The following CNTN3 variants were observed in gnomAD, a reference collection of about 807,000 sequenced individuals.
CNTN3 encodes the protein contactin 3, also known as contactin-3.
Under a neutral mutation model 119.1 loss-of-function variants are expected in CNTN3, and 60 were observed. The ratio of observed to expected loss-of-function variants is 0.50; its 90% confidence interval spans 0.41 to 0.62. The LOEUF (loss-of-function observed/expected upper bound fraction) is 0.62, where lower values mean the gene tolerates loss of function less well. Among genes scored for constraint, CNTN3 ranks in the 20% least tolerant of loss-of-function variants. The pLI is 0.00. For synonymous variants in CNTN3, 450 were observed against 438.7 expected (o/e 1.03, Z -0.32); for missense variants, 1,101 against 1,242.4 (o/e 0.89, Z 1.71).
chr3:74,546,397 G>C (rs1703916088), intron 1 of CNTN3, among the ~76,000 whole-genome samples: 1 of 152,180 alleles, frequency 6.6e-6, no homozygotes, highest in South Asian at 2.1e-4. Context: ...GTATCTGTGA[G>C]GGTGTTGCCA....
intron 13 of CNTN3, among the ~76,000 whole-genome samples, chr3:74,321,325 A>G (rs1313530200): frequency 6.6e-6 from 1 of 152,208 alleles, no homozygotes; most frequent in African/African-American, 2.4e-5. Flanking sequence ...TTTTATCTCA[A>G]TAAAAGGTGG....
At chr3:74,500,992 A>C (rs1181531217) in intron 2 of CNTN3, among the ~76,000 whole-genome samples, 2 of 152,188 alleles carry the variant, frequency 1.3e-5, no homozygotes, top group Admixed American at 1.3e-4. Context: ...AGAATAATGG[A>C]TTCCACAGTC....
intron 4 of CNTN3, among the ~76,000 whole-genome samples, chr3:74,445,093 G>A (rs571738713): frequency 6.6e-6 from 1 of 152,138 alleles, no homozygotes. Context: ...CTGAATATCT[G>A]TCTTTCAGTA....
At chr3:74,574,158 C>A (rs762268861) in intron 1 of CNTN3, among the ~76,000 whole-genome samples, 1 of 151,962 alleles carries the variant, frequency 6.6e-6, no homozygotes, top group Non-Finnish European at 1.5e-5. Context: ...CATGGATGAA[C>A]CTTGAAAACA....
At chr3:74,370,042 G>A in intron 6 of CNTN3, 51 bp from the exon 7 acceptor site, 1 of 1,019,076 alleles carries the variant, frequency 9.8e-7, no homozygotes, top group Non-Finnish European at 1.5e-6. Context: ...CTTTAGAATT[G>A]CCTCGTTTTT....
chr3:74,410,419 G>A (rs1701418758), intron 5 of CNTN3, among the ~76,000 whole-genome samples: 2 of 152,190 alleles, frequency 1.3e-5, no homozygotes, highest in Admixed American at 6.6e-5. Flanking sequence ...AGTGTGTGCT[G>A]AGAATTAACA....
intron 1 of CNTN3, among the ~76,000 whole-genome samples, chr3:74,592,855 G>A (rs1046278035): frequency 2.6e-5 from 4 of 151,864 alleles, no homozygotes. Context: ...TCCCCAAAAA[G>A]AGATTCTCTT....
intron 13 of CNTN3, among the ~76,000 whole-genome samples, chr3:74,322,169 C>CA (rs35201394): frequency 0.02 from 1,919 of 94,008 alleles, 25 homozygotes; most frequent in Non-Finnish European, 0.027. Context: ...CTGGGTGACT[C>CA]AAAAAAAAAA....
intron 4 of CNTN3, among the ~76,000 whole-genome samples, chr3:74,479,890 T>C (rs1702731651): frequency 6.6e-6 from 1 of 152,040 alleles, no homozygotes; most frequent in South Asian, 2.1e-4. Context: ...TCCAAAAATT[T>C]GGCCAAAATT....
At chr3:74,374,796 T>C (rs922722997) in intron 5 of CNTN3, among the ~76,000 whole-genome samples, 1 of 152,174 alleles carries the variant, frequency 6.6e-6, no homozygotes, top group Non-Finnish European at 1.5e-5. Flanking sequence ...TTCTGCTTTG[T>C]AGAAGTTAGG....
intron 1 of CNTN3, among the ~76,000 whole-genome samples, chr3:74,562,642 GCA>G (rs1704169627): frequency 6.6e-6 from 1 of 152,074 alleles, no homozygotes; most frequent in Admixed American, 6.6e-5. Context: ...AACACTGCCT[GCA>G]CAGTTTCTCC....
At chr3:74,496,582 C>T (rs781661860) in intron 3 of CNTN3, among the ~76,000 whole-genome samples, 12 of 151,572 alleles carry the variant, frequency 7.9e-5, no homozygotes, top group Non-Finnish European at 1.5e-4. Flanking sequence ...TCAGCAGCAG[C>T]GACCAGGGAT....
At chr3:74,346,491 G>A (rs1420052511) in intron 11 of CNTN3, among the ~76,000 whole-genome samples, 1 of 152,070 alleles carries the variant, frequency 6.6e-6, no homozygotes, top group Non-Finnish European at 1.5e-5. Flanking sequence ...GGACAGAATT[G>A]TAAAATACAC....
chr3:74,471,426 G>A (rs1040727405), intron 4 of CNTN3, among the ~76,000 whole-genome samples: 1 of 151,922 alleles, frequency 6.6e-6, no homozygotes, highest in African/African-American at 2.4e-5. Flanking sequence ...TTTTAAAATC[G>A]ATTTCTTCCT....
chr3:74,420,740 T>C (rs960558968), intron 5 of CNTN3, among the ~76,000 whole-genome samples: 3 of 152,214 alleles, frequency 2.0e-5, no homozygotes, highest in Non-Finnish European at 2.9e-5. Context: ...GAGCATGCCA[T>C]ACTAGAAAGA....
chr3:74,352,435 A>G (rs1459885852), intron 11 of CNTN3, among the ~76,000 whole-genome samples: 2 of 152,184 alleles, frequency 1.3e-5, no homozygotes, highest in Admixed American at 6.5e-5. Context: ...CCTAGTTTAC[A>G]TGTGTTGTCT....
chr3:74,545,967 T>C (rs1353742768), intron 1 of CNTN3, among the ~76,000 whole-genome samples: 3 of 152,170 alleles, frequency 2.0e-5, no homozygotes, highest in Admixed American at 2.0e-4. Flanking sequence ...TTCTTCTTAA[T>C]TTGGTTTCAT....
At chr3:74,557,957 G>A (rs72885315) in intron 1 of CNTN3, among the ~76,000 whole-genome samples, 4,843 of 152,228 alleles carry the variant, frequency 0.032, 197 homozygotes, top group African/African-American at 0.094. Context: ...TGGAACACAA[G>A]GGGTGGACTG....
At chr3:74,487,821 T>C (rs1401124574) in intron 3 of CNTN3, among the ~76,000 whole-genome samples, 1 of 152,078 alleles carries the variant, frequency 6.6e-6, no homozygotes, top group Non-Finnish European at 1.5e-5. Flanking sequence ...GGGCCACTTT[T>C]ATAAACATGG....
Sources: gnomAD v4.1 joint callset for allele counts (sites outside exome capture counted in the v4.1 genomes callset) on GRCh38, gnomAD v4.1.1 for gene constraint, MANE v1.5 for transcripts, NCBI Gene and HGNC (gene_info 2026-07-23, HGNC 2026-07-21) for gene names.